Variants in ADGRL3 observed in about 807,000 individuals in gnomAD.
The protein encoded by ADGRL3 is adhesion G protein-coupled receptor L3, also known as calcium-independent alpha-latrotoxin receptor 3.
Under a neutral mutation model 153.5 loss-of-function variants are expected in ADGRL3, and 62 were observed. The ratio of observed to expected loss-of-function variants is 0.40; its 90% CI spans 0.33 to 0.50. ADGRL3 has a LOEUF of 0.50. Among genes scored for constraint, ADGRL3 ranks in the 20% least tolerant of loss-of-function variants. ADGRL3 has a pLI of 0.47. For missense variants in ADGRL3, 1,641 were observed against 1,859.4 expected, an observed-to-expected ratio of 0.88 and a Z score of 2.16; for synonymous variants, 710 against 672.5, an observed-to-expected ratio of 1.06 and a Z score of -0.86.
At chr4:61,922,116 C>T (rs1356131970) in intron 13 of ADGRL3, among the ~76,000 whole-genome samples, 3 of 152,140 alleles carry the variant, frequency 2.0e-5, no homozygotes, top group Admixed American at 2.0e-4. Context: ...CAACAGATAA[C>T]AGCCTTATTG....
chr4:61,480,395 G>A (rs2098119107), intron 2 of ADGRL3, among the ~76,000 whole-genome samples: 1 of 152,010 alleles, frequency 6.6e-6, no homozygotes, highest in Non-Finnish European at 1.5e-5. Flanking sequence ...ATATTTTGTT[G>A]TCTAAATATA....
chr4:61,452,091 T>G (rs1409849844), intron 2 of ADGRL3, among the ~76,000 whole-genome samples: 1 of 141,084 alleles, frequency 7.1e-6, no homozygotes, highest in Non-Finnish European at 1.6e-5. Flanking sequence ...TGTGGCTGCT[T>G]GGGCTCACAG....
intron 8 of ADGRL3, among the ~76,000 whole-genome samples, chr4:61,809,810 A>G (rs62304373): frequency 0.38 from 58,150 of 151,668 alleles, 11,914 homozygotes; most frequent in East Asian, 0.62. Flanking sequence ...ATGAACTTCT[A>G]GTAATAATAA....
intron 1 of ADGRL3, among the ~76,000 whole-genome samples, chr4:61,369,986 A>G (rs2096488530): frequency 6.6e-6 from 1 of 151,742 alleles, no homozygotes; most frequent in East Asian, 1.9e-4. Flanking sequence ...GAATTTATCC[A>G]TTTCTTCTAG....
intron 9 of ADGRL3, among the ~76,000 whole-genome samples, chr4:61,847,864 T>A (rs1313460135): frequency 5.2e-5 from 1 of 19,172 alleles, no homozygotes; most frequent in Non-Finnish European, 1.3e-4. Flanking sequence ...TTATATATAA[T>A]ATAAAATATA....
intron 1 of ADGRL3, among the ~76,000 whole-genome samples, chr4:61,328,521 A>G (rs2150918548): frequency 6.6e-6 from 1 of 152,274 alleles, no homozygotes; most frequent in East Asian, 1.9e-4. Context: ...TTTATAGCAT[A>G]TAAAAGAATC....
rs879790807 is a variant in ADGRL3, at chr4:61,957,562, T to TATTC, written c.2805+9289_2805+9290insCATT. On this transcript the variant is annotated intron_variant, in intron 17 of 26. Transcript: ENST00000683033. Reference sequence around the variant, plus strand: ...GGTTACATTTATGTATTTATTTATTTATTTATTTATTTATTTATTTATTTG... The same window carrying TATTC: ...GGTTACATTTATGTATTTATTTATTTATTCATTTATTTATTTATTTATTTATTTG... Among the ~76,000 whole-genome samples, 84 of 148,696 alleles carry TATTC rather than the reference T, an allele frequency of 5.6e-4. 1 individual carries two copies. Among genetic ancestry groups the TATTC allele is most frequent in the Non-Finnish European group, 3.7e-4 (25 of 67,416 alleles).
chr4:61,373,517 A>G (rs573018770), intron 1 of ADGRL3, among the ~76,000 whole-genome samples: 1 of 152,308 alleles, frequency 6.6e-6, no homozygotes, highest in South Asian at 2.1e-4. Context: ...TGTTATTAGC[A>G]TTTCCTTTAT....
intron 9 of ADGRL3, among the ~76,000 whole-genome samples, chr4:61,827,902 GAA>G (rs35056143): frequency 6.6e-6 from 1 of 151,680 alleles, no homozygotes. Context: ...TATAAAAGAT[GAA>G]AAAAAATAAT....
chr4:61,595,931 A>G (rs1174529963), intron 5 of ADGRL3, among the ~76,000 whole-genome samples: 4 of 152,056 alleles, frequency 2.6e-5, no homozygotes, highest in Non-Finnish European at 4.4e-5. Flanking sequence ...CTCTGCTGTG[A>G]CAGGGCAGCA....
At chr4:61,517,659 G>C (rs1454771771) in intron 4 of ADGRL3, 141 bp downstream of exon 4, 1 of 612,836 alleles carries the variant, frequency 1.6e-6, no homozygotes, top group Non-Finnish European at 2.9e-6. Flanking sequence ...TTACCACTTA[G>C]TGATATCCTG....
chr4:61,312,603 C>A (rs969058117), intron 1 of ADGRL3, among the ~76,000 whole-genome samples: 1 of 151,946 alleles, frequency 6.6e-6, no homozygotes, highest in Admixed American at 6.5e-5. Flanking sequence ...TACAACTCAC[C>A]ACAGAAGATA....
chr4:61,652,972 C>T (rs920726366), intron 5 of ADGRL3, among the ~76,000 whole-genome samples: 5 of 152,154 alleles, frequency 3.3e-5, no homozygotes, highest in Admixed American at 2.0e-4. Flanking sequence ...CACCCTTCCC[C>T]CCGGCCATAT....
intron 1 of ADGRL3, among the ~76,000 whole-genome samples, chr4:61,364,529 ATATT>A (rs999883048): frequency 6.6e-6 from 1 of 152,068 alleles, no homozygotes; most frequent in Non-Finnish European, 1.5e-5. Context: ...CTTTTTTAAA[ATATT>A]TATTTATACA....
At chr4:61,453,620 A>G (rs2097700784) in intron 2 of ADGRL3, among the ~76,000 whole-genome samples, 1 of 152,146 alleles carries the variant, frequency 6.6e-6, no homozygotes, top group South Asian at 2.1e-4. Flanking sequence ...CATTGCCTCT[A>G]AGTTTATCAC....
At chr4:61,380,353 A>C (rs550383363) in intron 1 of ADGRL3, among the ~76,000 whole-genome samples, 164 of 152,174 alleles carry the variant, frequency 1.1e-3, no homozygotes, top group Non-Finnish European at 2.0e-3. Flanking sequence ...CCTGGCATTG[A>C]GTAAATATTT....
chr4:61,472,333 T>A (rs2097968344), intron 2 of ADGRL3, among the ~76,000 whole-genome samples: 1 of 152,144 alleles, frequency 6.6e-6, no homozygotes, highest in African/African-American at 2.4e-5. Flanking sequence ...TGGATGTTAC[T>A]TAACTAGTGC....
At chr4:61,894,076 A>C (rs1256050099) in intron 10 of ADGRL3, among the ~76,000 whole-genome samples, 1 of 152,040 alleles carries the variant, frequency 6.6e-6, no homozygotes, top group Non-Finnish European at 1.5e-5. Flanking sequence ...ATTATTATTT[A>C]TTTTGCTTAA....
rs1360285570 is a variant in ADGRL3 at position 62,070,393 on chromosome 4, G to T, written c.4117G>T (p.Asp1373Tyr). Residue 1373 changes from aspartate to tyrosine, a missense_variant, in exon 27 of 27, where the codon GAT becomes TAT. Coordinates refer to ENST00000683033, the MANE Select transcript of ADGRL3 (RefSeq NM_001387552.1). ...GAATAACCTTGGCAGTGGAAGGGAAGATGATGCCATTGTCCTGGATGATGC... is the reference window on the plus strand; with the variant it reads ...GAATAACCTTGGCAGTGGAAGGGAATATGATGCCATTGTCCTGGATGATGC... ...LVNNLGSGRE[D>Y]DAIVLDDATS... The T allele has an allele frequency of 6.4e-7, 1 of 1,552,110 alleles. No homozygotes were observed. The highest frequency in any genetic ancestry group is 8.7e-7 in the Non-Finnish European group (1 of 1,147,080).
Sources: gnomAD v4.1 joint callset for allele counts (sites outside exome capture counted in the v4.1 genomes callset) on GRCh38, gnomAD v4.1.1 for gene constraint, MANE v1.5 for transcripts, NCBI Gene and HGNC (gene_info 2026-07-23, HGNC 2026-07-21) for gene names.